Variants in EIF2AK3 observed in about 807,000 individuals in gnomAD.
EIF2AK3 encodes eukaryotic translation initiation factor 2-alpha kinase 3.
In EIF2AK3, 50 loss-of-function variants were observed where a neutral mutation model predicts 113.5. That is an observed-to-expected ratio of 0.44 (90% CI 0.35 to 0.56). The LOEUF is 0.56. EIF2AK3 is among the 20% of genes least tolerant of loss of function. The pLI is 0.00. For synonymous variants in EIF2AK3, 448 were observed against 495.4 expected (o/e 0.90, Z 1.27); for missense variants, 1,185 against 1,378.0 (o/e 0.86, Z 2.22).
At chr2:88,585,038 G>A (rs1001274740) in intron 9 of EIF2AK3, among the ~76,000 whole-genome samples, 21 of 152,282 alleles carry the variant, frequency 1.4e-4, no homozygotes, top group Non-Finnish European at 2.2e-4. Context: ...TGCAGCTAGA[G>A]TTAGGGTGTG....
At chr2:88,600,728 A>AT (rs1417534383) in intron 2 of EIF2AK3, among the ~76,000 whole-genome samples, 1 of 152,204 alleles carries the variant, frequency 6.6e-6, no homozygotes, top group Non-Finnish European at 1.5e-5. Flanking sequence ...AATAACTTTA[A>AT]TTTTAAAGTG....
chr2:88,593,886 A>C (rs1674945788), intron 3 of EIF2AK3: 1 of 999,082 alleles, frequency 1.0e-6, no homozygotes, highest in African/African-American at 1.7e-5. Flanking sequence ...AATATGATCC[A>C]AACTAAAATC....
intron 9 of EIF2AK3, among the ~76,000 whole-genome samples, chr2:88,584,667 AAG>A (rs1028928112): frequency 2.5e-4 from 38 of 152,136 alleles, no homozygotes. Flanking sequence ...ACTCAGAAAT[AAG>A]AGGTTAAAGA....
At chr2:88,562,032 G>A (rs1182308386) in intron 15 of EIF2AK3, among the ~76,000 whole-genome samples, 2 of 152,144 alleles carry the variant, frequency 1.3e-5, no homozygotes, top group East Asian at 1.9e-4. Context: ...CTTACTGAGT[G>A]CAAAACATTG....
intron 2 of EIF2AK3, among the ~76,000 whole-genome samples, chr2:88,611,367 G>A (rs957745103): frequency 2.0e-5 from 3 of 152,162 alleles, no homozygotes; most frequent in African/African-American, 7.2e-5. Flanking sequence ...ATGTTACAAT[G>A]CTGGGAACAA....
chr2:88,558,926 A>G lies in EIF2AK3; in HGVS notation c.3141T>C (p.Tyr1047=). 1 of 1,598,084 alleles carries G rather than the reference A, an allele frequency of 6.3e-7. No homozygotes were observed. The highest frequency in any genetic ancestry group is 8.6e-7 in the Non-Finnish European group (1 of 1,165,828). The change falls in exon 16 of 17, where the codon TAT becomes TAC. Residue 1047 remains tyrosine (Y), a synonymous_variant. Coordinates refer to ENST00000303236, the MANE Select transcript of EIF2AK3 (RefSeq NM_004836.7). The stretch of plus-strand genomic sequence containing the variant: ...TGAGAATTACACATACCTCACAAGG[A>G]TATTTCTGAGTAAATAATGGTGGAA... The part of the protein sequence containing the change: ...LKFPPLFTQK[Y]PCEYVMVQDM...
chr2:88,612,111 C>T (rs927313491), intron 2 of EIF2AK3, among the ~76,000 whole-genome samples: 3 of 152,110 alleles, frequency 2.0e-5, no homozygotes, highest in African/African-American at 7.2e-5. Context: ...TGTAAGAAAA[C>T]CTTCAAATAC....
chr2:88,586,205 C>T, intron 8 of EIF2AK3, 144 bp from the exon 9 acceptor site: 3 of 675,838 alleles, frequency 4.4e-6, no homozygotes, highest in Non-Finnish European at 5.0e-6. Context: ...GTATTTTAAA[C>T]ATCTTAATTT....
chr2:88,576,483 G>T (rs934053716), intron 12 of EIF2AK3, 71 bp downstream of exon 12: 10 of 1,594,506 alleles, frequency 6.3e-6, no homozygotes, highest in Middle Eastern at 3.3e-4. Context: ...AATCCCTAAA[G>T]TTATAAAACT....
intron 4 of EIF2AK3, among the ~76,000 whole-genome samples, chr2:88,592,008 C>T (rs1215355710): frequency 6.6e-6 from 1 of 152,136 alleles, no homozygotes; most frequent in Non-Finnish European, 1.5e-5. Flanking sequence ...TTTGAGAAAA[C>T]AGTTTTCAGG....
At chr2:88,562,717 G>A (rs933687485) in intron 14 of EIF2AK3, among the ~76,000 whole-genome samples, 2 of 152,146 alleles carry the variant, frequency 1.3e-5, no homozygotes, top group African/African-American at 2.4e-5. Context: ...TACCCCTGAG[G>A]TGAGGTTTTT....
At chr2:88,562,489 GGTTTA>G (rs1411856359) in intron 14 of EIF2AK3, 99 bp from the exon 15 acceptor site, 4 of 967,062 alleles carry the variant, frequency 4.1e-6, no homozygotes, top group Admixed American at 3.8e-5. Context: ...GTCACTTCTT[GGTTTA>G]AATGCAAGTA....
intron 1 of EIF2AK3, among the ~76,000 whole-genome samples, chr2:88,625,844 T>A (rs936930701): frequency 4.6e-5 from 7 of 152,230 alleles, no homozygotes; most frequent in African/African-American, 1.7e-4. Flanking sequence ...GTTTTATATA[T>A]ATATATTTAC....
chr2:88,593,637 A>G (rs985743658), intron 3 of EIF2AK3, among the ~76,000 whole-genome samples: 1 of 152,224 alleles, frequency 6.6e-6, no homozygotes, highest in Admixed American at 6.5e-5. Flanking sequence ...AAGGATTTAC[A>G]TAATTTTAGC....
At chr2:88,585,817 A>G (rs751638558) in intron 9 of EIF2AK3, 24 bp downstream of exon 9, 13 of 1,606,898 alleles carry the variant, frequency 8.1e-6, no homozygotes, top group Middle Eastern at 1.7e-4. Context: ...TGGAAACCAG[A>G]CAGTAAGCAA....
chr2:88,575,081 C>T lies in EIF2AK3; in HGVS notation c.2402G>A (p.Arg801Lys). ...EASPYVRSRE[R>K]TSSSIVFEDS... Reference sequence around the variant, plus strand: ...TTCAAATACTATTGAAGAGGAGGTTCTCTCCCTTGACCTTACATAAGGAGA... The same window carrying T: ...TTCAAATACTATTGAAGAGGAGGTTTTCTCCCTTGACCTTACATAAGGAGA... Residue 801 changes from arginine (R) to lysine (K), a missense_variant, in exon 13 of 17, where the codon AGA becomes AAA. Arg to Lys is a conservative substitution (Grantham distance 26, BLOSUM62 2). Around this residue, in one of 3 missense-constraint regions of EIF2AK3, gnomAD observed 877 missense variants for 1,024.2 expected, o/e 0.86. Coordinates refer to ENST00000303236, the MANE Select transcript of EIF2AK3 (RefSeq NM_004836.7). 1 of 1,614,216 alleles carries T rather than the reference C, an allele frequency of 6.2e-7. No individual in the cohort carries two copies. The highest frequency in any genetic ancestry group is 8.5e-7 in the Non-Finnish European group (1 of 1,180,042).
intron 8 of EIF2AK3, among the ~76,000 whole-genome samples, chr2:88,586,972 C>T (rs558335930): frequency 4.7e-4 from 70 of 149,552 alleles, no homozygotes; most frequent in Middle Eastern, 3.4e-3. Context: ...TTTGGGAGGC[C>T]GAGGCAGGTG....
chr2:88,610,587 C>A (rs1190575446), intron 2 of EIF2AK3, among the ~76,000 whole-genome samples: 2 of 152,120 alleles, frequency 1.3e-5, no homozygotes, highest in Non-Finnish European at 2.9e-5. Flanking sequence ...TTAAGGCAGA[C>A]GCGGATACAA....
Position 88,588,822 on chromosome 2 carries a change from T to C in EIF2AK3, c.1245A>G (p.Glu415=). Residue 415 remains glutamate (E), a synonymous_variant, in exon 7 of 17, where the codon GAA becomes GAG. Coordinates refer to ENST00000303236, the MANE Select transcript of EIF2AK3 (RefSeq NM_004836.7). ...EKFPSSPKAL[E]SVTNENAIIP... is the part of the protein sequence containing the mutation. ...TAATTGCGTTTTCATTAGTGACAGA[T>C]TCCAAAGCCTTGGGACTTGAAGGAA... 2.5e-6 allele frequency: 4 copies of C among 1,613,838 alleles called. No homozygotes were observed. In the East Asian group the frequency reaches 6.7e-5, roughly 27 times the overall value.
Sources: gnomAD v4.1 joint callset for allele counts (sites outside exome capture counted in the v4.1 genomes callset) on GRCh38, gnomAD v4.1.1 for gene constraint, gnomAD v4.1.1 regional missense constraint, MANE v1.5 for transcripts, NCBI Gene and HGNC (gene_info 2026-07-23, HGNC 2026-07-21) for gene names.